Variants in TBCD observed in about 807,000 individuals in gnomAD.
TBCD encodes tubulin folding cofactor D.
Under a neutral mutation model 169.3 loss-of-function variants are expected in TBCD, and 105 were observed. The observed-to-expected ratio is 0.62, with a 90% CI of 0.53 to 0.73. The LOEUF (loss-of-function observed/expected upper bound fraction) is 0.73, where lower values mean the gene tolerates loss of function less well. TBCD is among the 30% of genes least tolerant of loss of function. TBCD has a pLI of 0.00. For synonymous variants in TBCD, 700 were observed against 643.9 expected (o/e 1.09, Z -1.32); for missense variants, 1,444 against 1,600.1 (o/e 0.90, Z 1.66).
chr17:82,826,007 T>C (rs2052810497), intron 13 of TBCD, among the ~76,000 whole-genome samples: 1 of 152,274 alleles, frequency 6.6e-6, no homozygotes, highest in Non-Finnish European at 1.5e-5. Context: ...ACAGAAATTT[T>C]ATTCTTCCTT....
In TBCD at chr17:82,928,045, G is replaced by A. The variant is rs894772917; in HGVS notation, c.2693+57G>A. Reference sequence around the variant, plus strand: ...TAGAGGGCAGCCCCGAGCTTGGGGAGGCTGGCGGGGCGGGCGGTCCTGGTG... The same window carrying A: ...TAGAGGGCAGCCCCGAGCTTGGGGAAGCTGGCGGGGCGGGCGGTCCTGGTG... On this transcript the variant is annotated intron_variant, in intron 30 of 38. Coordinates refer to ENST00000355528, the MANE Select transcript of TBCD (RefSeq NM_005993.5). The A allele has an allele frequency of 9.1e-6, 14 of 1,540,424 alleles. No homozygotes were observed. The African/African-American group carries it at 1.1e-4, about 12-fold the overall frequency.
At chr17:82,800,809 G>C (rs1450294748) in intron 8 of TBCD, 55 bp from the exon 9 acceptor site, 2 of 1,564,764 alleles carry the variant, frequency 1.3e-6, no homozygotes, top group African/African-American at 2.8e-5. Flanking sequence ...CACAGGTGGT[G>C]CAGTCAGAAG....
intron 15 of TBCD, among the ~76,000 whole-genome samples, chr17:82,887,156 T>TGCGC (rs1437761101): frequency 1.4e-4 from 15 of 108,704 alleles, no homozygotes; most frequent in African/African-American, 5.9e-4. Context: ...TGTGTGTGTG[T>TGCGC]GTGTGTGTGT....
Position 82,907,741 on chromosome 17 carries a change from C to T in TBCD, c.1923-20C>T. ...GGTCTTGGGGAGTGTGACTTCAGCT[C>T]TGTGTTTGAACTTCTGCAGGCCCGT... On this transcript the variant is annotated intron_variant, in intron 20 of 38. Transcript: ENST00000355528. 3 of 1,613,450 alleles carry T rather than the reference C, an allele frequency of 1.9e-6. No homozygotes were observed. Among genetic ancestry groups the T allele is most frequent in the Non-Finnish European group, 1.7e-6 (2 of 1,179,666 alleles).
chr17:82,909,226 C>A, intron 21 of TBCD, 59 bp from the exon 22 acceptor site: 1 of 1,297,030 alleles, frequency 7.7e-7, no homozygotes, highest in Non-Finnish European at 1.1e-6. Flanking sequence ...CAGTTGTTAA[C>A]GTATACGTAT....
chr17:82,775,454 C>CAGGG (rs1480764464), intron 6 of TBCD, among the ~76,000 whole-genome samples: 1 of 152,040 alleles, frequency 6.6e-6, no homozygotes, highest in Non-Finnish European at 1.5e-5. Flanking sequence ...CAGGTAAGGC[C>CAGGG]AGGGCTGCGA....
rs1349939571 is a variant in TBCD, at chr17:82,945,803, T to A, written c.*3340T>A. On this transcript the variant is annotated 3_prime_UTR_variant, in exon 39 of 39. Transcript: ENST00000355528. ...AATATCTTCTGGGGGTGCCCCTGGT[T>A]GAGAACCACTGCTTTAGTGGATAAA... The A allele has an allele frequency of 6.6e-6, 1 of 152,180 alleles. No homozygotes were observed. Among genetic ancestry groups the A allele is most frequent in the Admixed American group, 6.5e-5 (1 of 15,278 alleles). 9.4% of individuals were successfully genotyped at this position (152,180 alleles called of 1,614,324 possible).
rs1567887164 is a variant in TBCD at position 82,850,055 on chromosome 17, TG to T, written c.1319-20167del. Among the ~76,000 whole-genome samples, 69 of 40,596 alleles carry T rather than the reference TG, an allele frequency of 1.7e-3. 1 individual carries two copies. The highest frequency in any genetic ancestry group is 5.2e-3 in the African/African-American group (63 of 12,032). The allele number at this position is 40,596 out of a possible 152,430, so 26.6% of individuals were successfully genotyped here. A position where few individuals can be genotyped will look rare whatever the true frequency, so the allele number is the denominator to read the frequency against. On this transcript the variant is annotated intron_variant, in intron 13 of 38. Coordinates refer to ENST00000355528, the MANE Select transcript of TBCD (RefSeq NM_005993.5). ...GTGCTGTTGTTGGCTGTGCTGTTGT[TG>T]GCTGTGCTGCTGTTGGCTGTGCTGT...
chr17:82,792,847 C>A (rs964934192), intron 7 of TBCD, among the ~76,000 whole-genome samples: 1 of 152,186 alleles, frequency 6.6e-6, no homozygotes, highest in Non-Finnish European at 1.5e-5. Context: ...ACTGCAACCT[C>A]CACCTCCCGG....
intron 34 of TBCD, among the ~76,000 whole-genome samples, chr17:82,935,151 TAC>T (rs202039438): frequency 1.3e-5 from 2 of 149,170 alleles, no homozygotes; most frequent in African/African-American, 2.5e-5. Context: ...TATTTCTCTC[TAC>T]AGTTTTGTCA....
Position 82,864,664 on chromosome 17 carries a change from G to A in TBCD, c.1319-5560G>A, listed in dbSNP as rs1158788127. On this transcript the variant is annotated intron_variant, in intron 13 of 38. Transcript: ENST00000355528. This position sits in a 1 kb window ranked among gnomAD's most constrained non-coding sequence, Gnocchi z 6.3. ...AGAGTTGCTGGGCCAGCGTGGCTGG[G>A]TGACTTTCCTGTGGAAAGAGCGGGC... is the stretch of plus-strand genomic sequence containing the variant. Among the ~76,000 whole-genome samples the A allele has an allele frequency of 6.6e-6, 1 of 152,204 alleles. No individual in the cohort carries two copies. Among genetic ancestry groups the A allele is most frequent in the Non-Finnish European group, 1.5e-5 (1 of 68,022 alleles).
rs766442717 is a variant in TBCD, at chr17:82,929,458, G to A, written c.2949G>A (p.Leu983=). ...TGCCCACCTACCGCTACCACGTCCTGCTGGGGCTAGTCGTGTCCCTGGGCG... is the reference window on the plus strand; with the variant it reads ...TGCCCACCTACCGCTACCACGTCCTACTGGGGCTAGTCGTGTCCCTGGGCG... ...LGLPTYRYHV[L]LGLVVSLGGL... Residue 983 remains leucine (L), a synonymous_variant, in exon 32 of 39, where the codon CTG becomes CTA. Transcript: ENST00000355528. 4 of 1,610,862 alleles carry A rather than the reference G, an allele frequency of 2.5e-6. No homozygotes were observed. In the South Asian group the frequency reaches 3.3e-5, roughly 13 times the overall value.
chr17:82,752,386 G>C lies in TBCD; in HGVS notation c.184+9G>C, dbSNP rs1466322945. 2.6e-5 allele frequency: 32 copies of C among 1,233,022 alleles called. No homozygotes were observed. In the Middle Eastern group the frequency reaches 9.6e-4, roughly 37 times the overall value. The allele number at this position is 1,233,022 out of a possible 1,614,324, so 76.4% of individuals were successfully genotyped here. On this transcript the variant is annotated intron_variant, in intron 1 of 38. Coordinates refer to ENST00000355528, the MANE Select transcript of TBCD (RefSeq NM_005993.5). ...CCTGGAGCGGTTCCGCGGTGCGTGG[G>C]CGGCGCCGCGTGCCCGCTTCCTCCC... is the stretch of plus-strand genomic sequence containing the variant.
chr17:82,923,815 C>G lies in TBCD; in HGVS notation c.2260+82C>G, dbSNP rs1403867057. 6 of 1,199,138 alleles carry G rather than the reference C, an allele frequency of 5.0e-6. No homozygotes were observed. Among genetic ancestry groups the G allele is most frequent in the Non-Finnish European group, 7.1e-6 (6 of 848,898 alleles). The allele number at this position is 1,199,138 out of a possible 1,614,324, so 74.3% of individuals were successfully genotyped here. On this transcript the variant is annotated intron_variant, in intron 26 of 38. Coordinates refer to ENST00000355528, the MANE Select transcript of TBCD (RefSeq NM_005993.5). The surrounding 1 kb of genome is among the most constrained non-coding windows in gnomAD (Gnocchi z 4.6). The stretch of plus-strand genomic sequence containing the variant: ...GGGAGTGTCTGGGCACGGAGGAGGC[C>G]TCGGTTGTGCAGTGGAGCAGAGCCA...
At chr17:82,939,243 G>A (rs2062913835) in intron 36 of TBCD, 124 bp from the exon 37 acceptor site, 1 of 760,808 alleles carries the variant, frequency 1.3e-6, no homozygotes, top group East Asian at 2.7e-5. Flanking sequence ...GGGATGGGAT[G>A]CAGGGTCAGC....
chr17:82,768,835 G>A (rs1271857424), intron 5 of TBCD, among the ~76,000 whole-genome samples: 1 of 152,152 alleles, frequency 6.6e-6, no homozygotes, highest in East Asian at 1.9e-4. Flanking sequence ...TAGTGGCATG[G>A]TGAGAGAGAA....
At chr17:82,763,657 C>T (rs1200763779) in intron 2 of TBCD, among the ~76,000 whole-genome samples, 2 of 152,082 alleles carry the variant, frequency 1.3e-5, no homozygotes, top group African/African-American at 4.8e-5. Context: ...AGGAGAATAG[C>T]CTGAACCCGG....
intron 17 of TBCD, among the ~76,000 whole-genome samples, chr17:82,896,167 G>A (rs772796353): frequency 2.0e-5 from 3 of 152,096 alleles, no homozygotes; most frequent in African/African-American, 4.8e-5. Context: ...CCAAAGCTCT[G>A]TGTGAATGGG....
At chr17:82,787,327 T>C (rs1395876347) in intron 7 of TBCD, among the ~76,000 whole-genome samples, 1 of 152,206 alleles carries the variant, frequency 6.6e-6, no homozygotes, top group Admixed American at 6.5e-5. Context: ...AGGGAATGAA[T>C]GAAACTGCCG....
Sources: gnomAD v4.1 joint callset for allele counts (sites outside exome capture counted in the v4.1 genomes callset) on GRCh38, gnomAD v4.1.1 for gene constraint, Gnocchi (gnomAD v3.1) non-coding constraint, MANE v1.5 for transcripts, NCBI Gene and HGNC (gene_info 2026-07-23, HGNC 2026-07-21) for gene names.